DROSHA: variants seen among roughly 807,000 people sequenced by gnomAD.
The protein encoded by DROSHA is ribonuclease 3.
Under a neutral mutation model 181.9 loss-of-function variants are expected in DROSHA, and 56 were observed. That is an observed-to-expected ratio of 0.31 (90% confidence interval 0.25 to 0.38). The LOEUF is 0.38. Ranked by LOEUF, DROSHA falls within the 10% of genes least tolerant of loss-of-function variation. The pLI is 1.00. For missense variants in DROSHA, 1,218 were observed against 1,743.5 expected (o/e 0.70, Z 5.37); for synonymous variants, 524 against 591.2 (o/e 0.89, Z 1.65).
At chr5:31,512,821 A>C (rs1430788614) in intron 8 of DROSHA, among the ~76,000 whole-genome samples, 4 of 152,206 alleles carry the variant, frequency 2.6e-5, no homozygotes. Flanking sequence ...GGAACCAAGA[A>C]GTGCCCACAC....
intron 8 of DROSHA, among the ~76,000 whole-genome samples, chr5:31,513,603 A>T (rs768114854): frequency 3.9e-5 from 6 of 152,236 alleles, no homozygotes; most frequent in Non-Finnish European, 7.3e-5. Context: ...TCACACCACT[A>T]TGAGAGACTT....
intron 21 of DROSHA, among the ~76,000 whole-genome samples, chr5:31,450,331 A>G (rs1466124272): frequency 6.6e-6 from 1 of 152,236 alleles, no homozygotes; most frequent in Non-Finnish European, 1.5e-5. Context: ...ACTACTGTGT[A>G]TCTACCCAAA....
intron 22 of DROSHA, 101 bp downstream of exon 22, chr5:31,449,180 G>C: frequency 6.9e-7 from 1 of 1,442,976 alleles, no homozygotes. Context: ...ATGAGACGGT[G>C]AAAGAGTCAC....
chr5:31,445,894 T>C (rs762598051), intron 23 of DROSHA, among the ~76,000 whole-genome samples: 6 of 152,218 alleles, frequency 3.9e-5, no homozygotes, highest in Non-Finnish European at 7.3e-5. Context: ...TCAATACTTC[T>C]ATTCAGTATT....
In DROSHA at chr5:31,526,108, T is replaced by C; in HGVS notation, c.825A>G (p.Pro275=). ...TCCGTTCGTAGCTGCGGTGGCGAGA[T>C]GGTGTTCTCCCTCGGTCATAATCAG... The part of the protein sequence containing the change: ...YRSDYDRGRT[P]SRHRSYERSR... The change falls in exon 5 of 36, where the codon CCA becomes CCG. Residue 275 remains proline, a synonymous_variant. Transcript: ENST00000344624. 6.3e-7 allele frequency: 1 copy of C among 1,599,352 alleles called. No homozygotes were observed. Among genetic ancestry groups the C allele is most frequent in the Non-Finnish European group, 8.6e-7 (1 of 1,168,136 alleles).
At chr5:31,482,516 G>A (rs1751148337) in intron 16 of DROSHA, among the ~76,000 whole-genome samples, 1 of 152,202 alleles carries the variant, frequency 6.6e-6, no homozygotes, top group South Asian at 2.1e-4. Flanking sequence ...AGAAATTAAT[G>A]TAGGTTGGTG....
At chr5:31,521,313 T>G (rs1243417230) in intron 5 of DROSHA, 98 bp from the exon 6 acceptor site, 1 of 1,354,712 alleles carries the variant, frequency 7.4e-7, no homozygotes, top group Non-Finnish European at 1.0e-6. Context: ...GGACCACATC[T>G]AGGAATTTTT....
At chr5:31,425,025 C>G (rs904686539) in intron 27 of DROSHA, among the ~76,000 whole-genome samples, 5 of 152,050 alleles carry the variant, frequency 3.3e-5, no homozygotes, top group Admixed American at 1.3e-4. Flanking sequence ...TATGGAAACC[C>G]CTAGTATATT....
At chr5:31,504,791 T>C (rs1737707451) in intron 10 of DROSHA, among the ~76,000 whole-genome samples, 156 bp from the exon 11 acceptor site, 1 of 152,166 alleles carries the variant, frequency 6.6e-6, no homozygotes, top group African/African-American at 2.4e-5. Context: ...CCAAAACCAA[T>C]AAAGCTGCAA....
At chr5:31,479,037 A>G (rs1020061306) in intron 16 of DROSHA, among the ~76,000 whole-genome samples, 1 of 152,228 alleles carries the variant, frequency 6.6e-6, no homozygotes, top group Admixed American at 6.5e-5. Context: ...AGGAATTATA[A>G]ACAAATTAAT....
At chr5:31,444,070 T>C (rs1345262752) in intron 23 of DROSHA, among the ~76,000 whole-genome samples, 2 of 152,170 alleles carry the variant, frequency 1.3e-5, no homozygotes, top group Non-Finnish European at 2.9e-5. Flanking sequence ...AGCAGGATAT[T>C]ACAAGGTTAC....
rs199506308 is a variant in DROSHA, at chr5:31,401,507, T to C, written c.4050A>G (p.Gln1350=). 158 of 1,612,140 alleles carry C rather than the reference T, an allele frequency of 9.8e-5. No homozygotes were observed. The African/African-American group carries it at 1.8e-3, about 19-fold the overall frequency. Reference sequence around the variant, plus strand: ...TTTCCCACCTCATTTCTTTTAACTCTTGTCTGTACTTCCGTTCGATGAACC... The same window carrying C: ...TTTCCCACCTCATTTCTTTTAACTCCTGTCTGTACTTCCGTTCGATGAACC... ...QKRFIERKYR[Q]ELKEMRWERE... Residue 1350 remains glutamine, a synonymous_variant, in exon 36 of 36, where the codon CAA becomes CAG. Transcript: ENST00000344624.
intron 8 of DROSHA, among the ~76,000 whole-genome samples, chr5:31,512,027 G>A (rs753769095): frequency 6.6e-6 from 1 of 151,504 alleles, no homozygotes; most frequent in Middle Eastern, 3.4e-3. Flanking sequence ...CCACAAACAC[G>A]GGACTCTGCA....
At chr5:31,416,746 G>A (rs1741999261) in intron 30 of DROSHA, among the ~76,000 whole-genome samples, 1 of 152,220 alleles carries the variant, frequency 6.6e-6, no homozygotes, top group South Asian at 2.1e-4. Context: ...CAGAGGTGCA[G>A]AGTGAGAACA....
chr5:31,519,893 A>T lies in DROSHA; in HGVS notation c.947+1230T>A, dbSNP rs147574061. On this transcript the variant is annotated intron_variant, in intron 6 of 35. Transcript: ENST00000344624. ...GGAATAAACTCTATCTGTTATTTTA[A>T]CAAACTACTGAAAACATTTGCTAAT... Among the ~76,000 whole-genome samples, 689 of 152,322 alleles carry T rather than the reference A, an allele frequency of 4.5e-3. 3 individuals are homozygous for T. Among genetic ancestry groups the T allele is most frequent in the African/African-American group, 0.016 (649 of 41,568 alleles).
In DROSHA at chr5:31,425,941, C is replaced by T. The variant is rs114352606; in HGVS notation, c.3217-1470G>A. Among the ~76,000 whole-genome samples, 831 of 152,230 alleles carry T rather than the reference C, an allele frequency of 5.5e-3. 7 individuals are homozygous for T. The highest frequency in any genetic ancestry group is 0.019 in the African/African-American group (778 of 41,522). ...TGCACTCAAAGTATTAAACCCAGAG[C>T]TGGCCCATAGAAAGTACTACTATTA... On this transcript the variant is annotated intron_variant, in intron 27 of 35. Coordinates refer to ENST00000344624, the MANE Select transcript of DROSHA (RefSeq NM_001382508.1).
chr5:31,416,537 G>T (rs1448893362), intron 30 of DROSHA, among the ~76,000 whole-genome samples: 1 of 152,154 alleles, frequency 6.6e-6, no homozygotes, highest in African/African-American at 2.4e-5. Flanking sequence ...TTGATGCGGG[G>T]GCGGGATGGG....
At chr5:31,497,471 C>A (rs114411927) in intron 11 of DROSHA, among the ~76,000 whole-genome samples, 1 of 152,232 alleles carries the variant, frequency 6.6e-6, no homozygotes, top group Non-Finnish European at 1.5e-5. Flanking sequence ...CACTTGGGAG[C>A]CTGTCCCCCC....
Position 31,514,023 on chromosome 5 carries a change from C to T in DROSHA, c.1290+965G>A, listed in dbSNP as rs139630702. 4.9e-4 allele frequency among the ~76,000 whole-genome samples: 75 copies of T among 152,186 alleles called. 1 individual carries two copies. Among genetic ancestry groups the T allele is most frequent in the African/African-American group, 1.6e-3 (68 of 41,532 alleles). On this transcript the variant is annotated intron_variant, in intron 8 of 35. Coordinates refer to ENST00000344624, the MANE Select transcript of DROSHA (RefSeq NM_001382508.1). This position sits in a 1 kb window ranked among gnomAD's most constrained non-coding sequence, Gnocchi z 4.4. ...GAGTCTGTCATGGCAATGAGCACGC[C>T]GGCTGTAGCACCACAGGCGCCCCGG...
Sources: gnomAD v4.1 joint callset for allele counts (sites outside exome capture counted in the v4.1 genomes callset) on GRCh38, gnomAD v4.1.1 for gene constraint, Gnocchi (gnomAD v3.1) non-coding constraint, MANE v1.5 for transcripts, NCBI Gene and HGNC (gene_info 2026-07-23, HGNC 2026-07-21) for gene names.